The following EBF3 variants were observed in gnomAD, a reference collection of about 807,000 sequenced individuals.
The protein encoded by EBF3 is EBF transcription factor 3.
In EBF3, 18 loss-of-function variants were observed where a neutral mutation model predicts 77.1. The observed-to-expected ratio is 0.23, with a 90% confidence interval of 0.16 to 0.35. EBF3 has a LOEUF of 0.35. Among genes scored for constraint, EBF3 ranks in the 10% least tolerant of loss-of-function variants. The pLI is 1.00. For missense variants in EBF3, 558 were observed against 860.0 expected, an observed-to-expected ratio of 0.65 and a Z score of 4.39; for synonymous variants, 350 against 343.5, an observed-to-expected ratio of 1.02 and a Z score of -0.21.
intron 6 of EBF3, among the ~76,000 whole-genome samples, chr10:129,940,457 C>T (rs904295221): frequency 6.6e-5 from 10 of 152,232 alleles, no homozygotes; most frequent in Non-Finnish European, 1.2e-4. Flanking sequence ...AAGGACCCGA[C>T]AGCCTGGTTT....
chr10:129,918,917 C>A (rs897877703), intron 6 of EBF3, among the ~76,000 whole-genome samples: 9 of 152,330 alleles, frequency 5.9e-5, no homozygotes, highest in Non-Finnish European at 1.5e-5. Context: ...TTGCCCCCTG[C>A]AGCAGTCAAT....
At chr10:129,957,143 C>T (rs1859099548) in intron 6 of EBF3, 115 bp downstream of exon 6, 2 of 911,208 alleles carry the variant, frequency 2.2e-6, no homozygotes, top group Non-Finnish European at 3.4e-6. Context: ...TGGTGCAATG[C>T]ACAAGATGGG....
chr10:129,929,268 G>A (rs1229289274), intron 6 of EBF3, among the ~76,000 whole-genome samples: 2 of 152,028 alleles, frequency 1.3e-5, no homozygotes, highest in African/African-American at 2.4e-5. Context: ...ACAGTGGTGC[G>A]ATCTCAGTTC....
chr10:129,840,579 C>G (rs1014115464), intron 14 of EBF3, 137 bp from the exon 15 acceptor site: 7 of 1,057,446 alleles, frequency 6.6e-6, no homozygotes, highest in African/African-American at 6.4e-5. Flanking sequence ...CGGCCACGCT[C>G]TGGATAACAG....
Position 129,938,378 on chromosome 10 carries a change from TAA to T in EBF3, c.554+18878_554+18879del, listed in dbSNP as rs71007573. On this transcript the variant is annotated intron_variant, in intron 6 of 16. Coordinates refer to ENST00000440978, the MANE Select transcript of EBF3 (RefSeq NM_001375380.1). This position sits in a 1 kb window ranked among gnomAD's most constrained non-coding sequence, Gnocchi z 5.1. ...AACATGGCAAAACCCCATCTCTATT[TAA>T]AAAAAAAAAAAAAAAAGACAAAAAT... 0.024 allele frequency among the ~76,000 whole-genome samples: 3,332 copies of T among 136,852 alleles called. 108 individuals carry two copies. Among genetic ancestry groups the T allele is most frequent in the African/African-American group, 0.074 (2,727 of 36,640 alleles). The allele number at this position is 136,852 out of a possible 152,430, so 89.8% of individuals were successfully genotyped here.
At chr10:129,926,201 G>A (rs138733724) in intron 6 of EBF3, among the ~76,000 whole-genome samples, 124 of 152,266 alleles carry the variant, frequency 8.1e-4, no homozygotes, top group African/African-American at 2.7e-3. Context: ...AATGAATACC[G>A]AGAGCATCTG....
intron 6 of EBF3, among the ~76,000 whole-genome samples, chr10:129,915,569 C>T (rs1453881813): frequency 6.6e-6 from 1 of 152,036 alleles, no homozygotes; most frequent in African/African-American, 2.4e-5. Context: ...GTGTGACGTC[C>T]CATGAAGTTT....
intron 6 of EBF3, among the ~76,000 whole-genome samples, chr10:129,894,400 G>A (rs1011218888): frequency 3.3e-5 from 5 of 152,312 alleles, no homozygotes; most frequent in East Asian, 1.9e-4. Context: ...GTTTTAGGAC[G>A]ACCAGAAGAG....
chr10:129,910,594 T>C (rs542281092), intron 6 of EBF3, among the ~76,000 whole-genome samples: 215 of 152,266 alleles, frequency 1.4e-3, no homozygotes, highest in Non-Finnish European at 2.6e-3. Context: ...CTATTTTTCT[T>C]ATCCGAGATG....
intron 14 of EBF3, among the ~76,000 whole-genome samples, 181 bp downstream of exon 14, chr10:129,840,663 A>G (rs1211409891): frequency 2.0e-5 from 3 of 152,138 alleles, no homozygotes; most frequent in Admixed American, 6.5e-5. Context: ...TTGGTTTCCA[A>G]TGAGATCACA....
intron 6 of EBF3, among the ~76,000 whole-genome samples, chr10:129,892,790 C>G (rs1378531518): frequency 3.9e-5 from 6 of 152,220 alleles, no homozygotes; most frequent in African/African-American, 1.2e-4. Context: ...CTGCTTAAAC[C>G]ACATCGAAAC....
chr10:129,895,461 G>C (rs531782010), intron 6 of EBF3, among the ~76,000 whole-genome samples: 1 of 152,244 alleles, frequency 6.6e-6, no homozygotes, highest in East Asian at 1.9e-4. Flanking sequence ...TACTGGAGAA[G>C]CTCCCTTGTT....
rs1027545139 is a variant in EBF3, at chr10:129,943,903, C to T, written c.554+13355G>A. On this transcript the variant is annotated intron_variant, in intron 6 of 16. Transcript: ENST00000440978. The surrounding 1 kb of genome is among the most constrained non-coding windows in gnomAD (Gnocchi z 8.8). ...CCTTCGGCGCAGACCCAGCTGAAAC[C>T]GTAAAATGCTCGGTAAAACCAGTCG... 1.3e-5 allele frequency among the ~76,000 whole-genome samples: 2 copies of T among 152,186 alleles called. No homozygotes were observed. Among genetic ancestry groups the T allele is most frequent in the African/African-American group, 4.8e-5 (2 of 41,434 alleles).
At chr10:129,855,697 C>A (rs76353286) in intron 10 of EBF3, among the ~76,000 whole-genome samples, 11,406 of 152,178 alleles carry the variant, frequency 0.075, 562 homozygotes, top group South Asian at 0.14. Context: ...GAGACACCAC[C>A]CAGTAAAAGC....
intron 6 of EBF3, among the ~76,000 whole-genome samples, chr10:129,908,351 C>T (rs1369363411): frequency 6.6e-6 from 1 of 152,168 alleles, no homozygotes; most frequent in African/African-American, 2.4e-5. Context: ...ATTGGCATTC[C>T]GCATGTAAAT....
chr10:129,858,814 A>G (rs149239122), intron 10 of EBF3, among the ~76,000 whole-genome samples: 1 of 152,268 alleles, frequency 6.6e-6, no homozygotes, highest in Admixed American at 6.5e-5. Flanking sequence ...CTATCTGGGA[A>G]GACACAGAAA....
At chr10:129,894,623 T>C (rs1370096994) in intron 6 of EBF3, among the ~76,000 whole-genome samples, 2 of 152,138 alleles carry the variant, frequency 1.3e-5, no homozygotes, top group African/African-American at 4.8e-5. Context: ...TCTCCATTGC[T>C]CACTGGGGCC....
In EBF3 at chr10:129,879,687, G is replaced by A. The variant is rs778930652; in HGVS notation, c.555-1838C>T. ...TCACACCATCTGCCATCAGCATACA[G>A]TAAGTCACTTGATATTCCACCCACC... On this transcript the variant is annotated intron_variant, in intron 6 of 16. Transcript: ENST00000440978. The surrounding 1 kb of genome is among the most constrained non-coding windows in gnomAD (Gnocchi z 4.7). 6.6e-6 allele frequency among the ~76,000 whole-genome samples: 1 copy of A among 152,178 alleles called. No individual in the cohort carries two copies. The highest frequency in any genetic ancestry group is 1.5e-5 in the Non-Finnish European group (1 of 68,036).
chr10:129,902,229 C>CT (rs1211535217), intron 6 of EBF3, among the ~76,000 whole-genome samples: 14 of 103,078 alleles, frequency 1.4e-4, no homozygotes, highest in Non-Finnish European at 3.0e-4. Flanking sequence ...AACTTCCAGA[C>CT]ATTTTTTTTT....
Sources: gnomAD v4.1 joint callset for allele counts (sites outside exome capture counted in the v4.1 genomes callset) on GRCh38, gnomAD v4.1.1 for gene constraint, Gnocchi (gnomAD v3.1) non-coding constraint, MANE v1.5 for transcripts, NCBI Gene and HGNC (gene_info 2026-07-23, HGNC 2026-07-21) for gene names.